Variants in KCNAB1 observed in about 807,000 individuals in gnomAD.
KCNAB1 encodes the protein voltage-gated potassium channel subunit beta-1.
A neutral mutation model predicts 64.6 loss-of-function variants in KCNAB1; 35 were observed. The ratio of observed to expected loss-of-function variants is 0.54; its 90% CI spans 0.41 to 0.72. The LOEUF is 0.72. KCNAB1 is among the 30% of genes least tolerant of loss of function. The pLI, the probability that KCNAB1 is intolerant of heterozygous loss-of-function variation, is 0.00. For missense variants in KCNAB1, 401 were observed against 512.9 expected, an observed-to-expected ratio of 0.78 and a Z score of 2.11; for synonymous variants, 177 against 183.8, an observed-to-expected ratio of 0.96 and a Z score of 0.30.
chr3:156,464,480 CAAA>C (rs201395275), intron 6 of KCNAB1, among the ~76,000 whole-genome samples: 1 of 148,424 alleles, frequency 6.7e-6, no homozygotes, highest in Non-Finnish European at 1.5e-5. Flanking sequence ...ACAGAAATCG[CAAA>C]AAAATAATAA....
chr3:156,157,988 C>T (rs983064989), intron 1 of KCNAB1, among the ~76,000 whole-genome samples: 2 of 151,444 alleles, frequency 1.3e-5, no homozygotes, highest in Non-Finnish European at 2.9e-5. Context: ...ACGGTGAAAC[C>T]CCGTCTCTAC....
At chr3:156,398,698 A>G (rs937419770) in intron 1 of KCNAB1, among the ~76,000 whole-genome samples, 3 of 151,772 alleles carry the variant, frequency 2.0e-5, no homozygotes, top group African/African-American at 7.3e-5. Context: ...CTACATGTTC[A>G]GCACATGTAT....
At chr3:156,432,915 C>T (rs758279086) in intron 2 of KCNAB1, among the ~76,000 whole-genome samples, 5 of 152,168 alleles carry the variant, frequency 3.3e-5, no homozygotes, top group Non-Finnish European at 7.3e-5. Context: ...CAGCAGTCCC[C>T]CTCCTTTTCA....
chr3:156,331,064 TGTGGCTCTGCCC>T, intron 1 of KCNAB1, among the ~76,000 whole-genome samples: 1 of 152,206 alleles, frequency 6.6e-6, no homozygotes, highest in Admixed American at 6.5e-5. Context: ...GGGCAGGGGA[TGTGGCTCTGCCC>T]TCAGGCTGGA....
At chr3:156,236,448 C>T (rs74935503) in intron 1 of KCNAB1, among the ~76,000 whole-genome samples, 2,406 of 152,194 alleles carry the variant, frequency 0.016, 49 homozygotes, top group Non-Finnish European at 0.019. Context: ...TCCAGAATCC[C>T]TATTTTGAGA....
chr3:156,291,602 A>C, intron 1 of KCNAB1: 1 of 1,268,142 alleles, frequency 7.9e-7, no homozygotes, highest in Non-Finnish European at 1.0e-6. Context: ...TTGGCTGTTT[A>C]ATCAGCCGAG....
At position 156,523,915 on chromosome 3, in the gene KCNAB1, G is replaced by A. The variant is rs758644631; in HGVS notation, c.1049G>A (p.Arg350His). The change falls in exon 12 of 14, where the codon CGT becomes CAT. Residue 350 changes from arginine to histidine, a missense_variant. Arg to His is a conservative substitution (Grantham distance 29, BLOSUM62 0). Coordinates refer to ENST00000490337, the MANE Select transcript of KCNAB1 (RefSeq NM_172160.3). ...AAAGACCTTTCCCCAATTGCGGAGC[G>A]TCTGGGATGCACACTACCTCAGCTA... is the stretch of plus-strand genomic sequence containing the variant. The part of the protein sequence containing the change: ...KLKDLSPIAE[R>H]LGCTLPQLAV... The A allele has an allele frequency of 3.3e-5, 54 of 1,614,028 alleles. No homozygotes were observed. Among genetic ancestry groups the A allele is most frequent in the Middle Eastern group, 1.6e-4 (1 of 6,062 alleles).
At chr3:156,331,647 A>C (rs1264358353) in intron 1 of KCNAB1, among the ~76,000 whole-genome samples, 2 of 151,376 alleles carry the variant, frequency 1.3e-5, no homozygotes, top group Admixed American at 1.3e-4. Flanking sequence ...TTTTTTTTTA[A>C]ATTATGAAAC....
At chr3:156,158,183 T>TAAA (rs1167178327) in intron 1 of KCNAB1, among the ~76,000 whole-genome samples, 526 of 31,972 alleles carry the variant, frequency 0.016, 10 homozygotes, top group African/African-American at 0.044. Context: ...AAATAAAAAA[T>TAAA]AAATAAATAA....
chr3:156,120,844 C>T lies in KCNAB1; in HGVS notation c.233C>T (p.Ser78Phe). The part of the protein sequence containing the change: ...MNWYLKLCDL[S>F]SEHTTVCTTG... ...TGGTACCTAAAGCTCTGCGACCTGT[C>T]CAGCGAGCACACCACCGTCTGCACC... Residue 78 changes from serine (S) to phenylalanine (F), a missense_variant, in exon 1 of 14, where the codon TCC (serine) becomes TTC (phenylalanine). Ser to Phe is a radical substitution (Grantham distance 155). Transcript: ENST00000490337. 6.2e-7 allele frequency: 1 copy of T among 1,614,210 alleles called. No homozygotes were observed. Among genetic ancestry groups the T allele is most frequent in the Non-Finnish European group, 8.5e-7 (1 of 1,180,034 alleles).
chr3:156,530,111 G>A (rs1397632644), intron 12 of KCNAB1, among the ~76,000 whole-genome samples: 35 of 152,218 alleles, frequency 2.3e-4, no homozygotes, highest in Non-Finnish European at 1.5e-5. Context: ...GGTAAAAAGG[G>A]TCAGAGGAAG....
chr3:156,485,945 A>G (rs1475485496), intron 8 of KCNAB1, among the ~76,000 whole-genome samples: 2 of 152,028 alleles, frequency 1.3e-5, no homozygotes, highest in Non-Finnish European at 2.9e-5. Flanking sequence ...TCTGCATACT[A>G]TTCCATAGTA....
rs563564214 is a variant in KCNAB1, at chr3:156,283,786, G to A, written c.276-137830G>A. Among the ~76,000 whole-genome samples, 670 of 152,060 alleles carry A rather than the reference G, an allele frequency of 4.4e-3. 4 individuals are homozygous for A. The highest frequency in any genetic ancestry group is 6.6e-3 in the Non-Finnish European group (447 of 68,008). On this transcript the variant is annotated intron_variant, in intron 1 of 13. Transcript: ENST00000490337. Reference sequence around the variant, plus strand: ...CTCCTGAGGCTTCTGCATTCTTCACGTAGTTCTGGAGCCTTGGTTTTCAGC... The same window carrying A: ...CTCCTGAGGCTTCTGCATTCTTCACATAGTTCTGGAGCCTTGGTTTTCAGC...
intron 2 of KCNAB1, among the ~76,000 whole-genome samples, chr3:156,447,663 T>C (rs2108270824): frequency 6.6e-6 from 1 of 152,342 alleles, no homozygotes; most frequent in South Asian, 2.1e-4. Context: ...TAAAAGTGTC[T>C]ACATCATGAA....
chr3:156,142,939 A>T, intron 1 of KCNAB1: 2 of 1,143,456 alleles, frequency 1.7e-6, no homozygotes, highest in African/African-American at 1.6e-5. Context: ...GAGAAAAGTG[A>T]TTGGCCACCA....
At chr3:156,437,504 TG>T (rs1321502538) in intron 2 of KCNAB1, among the ~76,000 whole-genome samples, 2 of 152,126 alleles carry the variant, frequency 1.3e-5, no homozygotes, top group Non-Finnish European at 2.9e-5. Context: ...ATGGCACCAG[TG>T]GGAGAAATTC....
At chr3:156,307,429 G>C (rs977525567) in intron 1 of KCNAB1, among the ~76,000 whole-genome samples, 28 of 151,144 alleles carry the variant, frequency 1.9e-4, no homozygotes, top group Non-Finnish European at 8.8e-5. Context: ...ATGTTAAAAA[G>C]TTCCTCTTGC....
intron 2 of KCNAB1, among the ~76,000 whole-genome samples, chr3:156,440,365 T>A (rs912415721): frequency 6.6e-6 from 1 of 152,244 alleles, no homozygotes; most frequent in Non-Finnish European, 1.5e-5. Flanking sequence ...TCATCACCTC[T>A]ATGCCAAAGC....
intron 1 of KCNAB1, among the ~76,000 whole-genome samples, chr3:156,246,374 G>A (rs1034624725): frequency 3.3e-5 from 5 of 152,150 alleles, no homozygotes; most frequent in Non-Finnish European, 5.9e-5. Flanking sequence ...GGGAGGCCGA[G>A]GAGGGCAGAT....
Sources: gnomAD v4.1 joint callset for allele counts (sites outside exome capture counted in the v4.1 genomes callset) on GRCh38, gnomAD v4.1.1 for gene constraint, MANE v1.5 for transcripts, NCBI Gene and HGNC (gene_info 2026-07-23, HGNC 2026-07-21) for gene names.